SI: variants seen among roughly 807,000 people sequenced by gnomAD.
SI encodes the protein sucrase-isomaltase, intestinal.
Under a neutral mutation model 253.3 loss-of-function variants are expected in SI, and 235 were observed. The ratio of observed to expected loss-of-function variants is 0.93; its 90% CI spans 0.83 to 1.03. The LOEUF is 1.03. Among genes scored for constraint, SI ranks in the 50% least tolerant of loss-of-function variants. The probability of loss-of-function intolerance (pLI) is 0.00; values close to 1 mark genes in which losing one functional copy is unlikely to be tolerated. For missense variants in SI, 2,442 were observed against 2,211.1 expected, an observed-to-expected ratio of 1.10 and a Z score of -2.09; for synonymous variants, 819 against 712.0, an observed-to-expected ratio of 1.15 and a Z score of -2.39.
intron 1 of SI, among the ~76,000 whole-genome samples, chr3:165,076,318 G>A (rs1370037967): frequency 1.3e-5 from 2 of 151,778 alleles, no homozygotes; most frequent in East Asian, 3.9e-4. Flanking sequence ...TGGAAAAAAA[G>A]ATCTTCAAGT....
chr3:165,084,569 ATGTC>A, the SI span, among the ~76,000 whole-genome samples: 1 of 152,004 alleles, frequency 6.6e-6, no homozygotes, highest in African/African-American at 2.4e-5. Flanking sequence ...ATGAAAATGA[ATGTC>A]TGAGAATATT....
At chr3:165,059,381 G>T in intron 10 of SI, 82 bp from the exon 11 acceptor site, 1 of 1,322,932 alleles carries the variant, frequency 7.6e-7, no homozygotes, top group Non-Finnish European at 1.1e-6. Context: ...CATTGAACGT[G>T]TATTATAAAC....
At chr3:165,022,877 G>A (rs180998978) in intron 26 of SI, among the ~76,000 whole-genome samples, 38 of 151,390 alleles carry the variant, frequency 2.5e-4, no homozygotes, top group East Asian at 1.4e-3. Context: ...TTAAAATATC[G>A]TTTACTCTTA....
intron 2 of SI, among the ~76,000 whole-genome samples, chr3:165,075,161 G>A (rs145620969): frequency 1.3e-4 from 19 of 151,970 alleles, no homozygotes; most frequent in African/African-American, 3.9e-4. Context: ...AGATACCAAC[G>A]CCATATAAAT....
intron 40 of SI, among the ~76,000 whole-genome samples, chr3:164,996,130 C>T (rs1717997079): frequency 6.6e-6 from 1 of 151,654 alleles, no homozygotes; most frequent in Non-Finnish European, 1.5e-5. Context: ...CTATTTCTAC[C>T]CAAGTTTCCA....
At chr3:165,018,897 C>T (rs1035620428) in intron 28 of SI, among the ~76,000 whole-genome samples, 3 of 151,476 alleles carry the variant, frequency 2.0e-5, no homozygotes, top group African/African-American at 4.8e-5. Flanking sequence ...TGTTTGAGCA[C>T]CTAACAATAA....
intron 3 of SI, among the ~76,000 whole-genome samples, chr3:165,070,076 T>G (rs1297577329): frequency 6.8e-6 from 1 of 146,964 alleles, no homozygotes; most frequent in Non-Finnish European, 1.5e-5. Context: ...ATATAATATA[T>G]ATAGTATATG....
intron 45 of SI, among the ~76,000 whole-genome samples, chr3:164,984,389 A>G (rs1288557928): frequency 1.3e-5 from 2 of 152,154 alleles, no homozygotes; most frequent in Admixed American, 6.5e-5. Context: ...TGGCTAATTT[A>G]ATATGTATTA....
Position 165,070,849 on chromosome 3 carries a change from G to T in SI, c.256-1654C>A, listed in dbSNP as rs186988192. Among the ~76,000 whole-genome samples the T allele has an allele frequency of 2.4e-4, 37 of 152,244 alleles. No individual in the cohort carries two copies. In the East Asian group the frequency reaches 7.0e-3, roughly 29 times the overall value. On this transcript the variant is annotated intron_variant, in intron 3 of 47. Transcript: ENST00000264382. ...TTACTCTCTCACCGTACTGGAGGTT[G>T]TAAGTCCTAACTCAAGGTGTCAGCA...
upstream of SI, among the ~76,000 whole-genome samples, chr3:165,083,327 T>C (rs1365452073): frequency 6.6e-6 from 1 of 150,600 alleles, no homozygotes; most frequent in African/African-American, 2.4e-5. Context: ...CCATAGTACA[T>C]TTTTTTTTAA....
chr3:165,053,343 T>C (rs553818040), intron 13 of SI, among the ~76,000 whole-genome samples: 4 of 152,256 alleles, frequency 2.6e-5, no homozygotes, highest in African/African-American at 9.6e-5. Flanking sequence ...AAACTATTTT[T>C]ATACTTGACA....
At position 165,030,707 on chromosome 3, in the gene SI, A is replaced by G. The variant is rs751023322; in HGVS notation, c.2892+5T>C. 3 of 1,607,584 alleles carry G rather than the reference A, an allele frequency of 1.9e-6. No homozygotes were observed. In the South Asian group the frequency reaches 3.3e-5, roughly 18 times the overall value. ...ATCATGAGTAATAGTTAAAATTATT[A>G]TTACCGTTCTCCATACACAGCCACG... On this transcript the variant is annotated splice_donor_5th_base_variant and intron_variant, in intron 25 of 47. Coordinates refer to ENST00000264382, the MANE Select transcript of SI (RefSeq NM_001041.4).
rs564359223 is a variant in SI, at chr3:165,014,732, T to G, written c.3999+391A>C. On this transcript the variant is annotated intron_variant, in intron 33 of 47. Coordinates refer to ENST00000264382, the MANE Select transcript of SI (RefSeq NM_001041.4). ...TGAATTATACTTCATGATCTAAGTT[T>G]TAAATATAAGTATAGCTGTCAAAAC... Among the ~76,000 whole-genome samples the G allele has an allele frequency of 3.9e-5, 6 of 152,264 alleles. No individual in the cohort carries two copies. The South Asian group carries it at 1.2e-3, about 32-fold the overall frequency.
intron 34 of SI, among the ~76,000 whole-genome samples, chr3:165,009,678 A>G (rs762203577): frequency 1.3e-5 from 2 of 152,150 alleles, no homozygotes; most frequent in African/African-American, 4.8e-5. Context: ...TTCCTAGAGT[A>G]ATGGGGAAGC....
chr3:165,004,930 T>C (rs1718430948), intron 37 of SI, among the ~76,000 whole-genome samples: 1 of 152,050 alleles, frequency 6.6e-6, no homozygotes, highest in African/African-American at 2.4e-5. Context: ...GATTCCATCA[T>C]GGGGGCGGTT....
chr3:165,060,185 T>C (rs987025495), intron 9 of SI, among the ~76,000 whole-genome samples, 158 bp from the exon 10 acceptor site: 1 of 152,056 alleles, frequency 6.6e-6, no homozygotes, highest in Non-Finnish European at 1.5e-5. Context: ...TTCTAAACAA[T>C]TTCCTATTCT....
chr3:165,053,713 C>CT (rs1410413748), intron 13 of SI, among the ~76,000 whole-genome samples: 1 of 152,154 alleles, frequency 6.6e-6, no homozygotes, highest in Non-Finnish European at 1.5e-5. Flanking sequence ...ATGCAACACT[C>CT]TCTCTTTCTA....
intron 31 of SI, 84 bp from the exon 32 acceptor site, chr3:165,016,164 C>T: frequency 1.6e-6 from 2 of 1,250,766 alleles, no homozygotes; most frequent in Non-Finnish European, 2.3e-6. Context: ...ATAAAAGTAA[C>T]AGCAATATGA....
At chr3:165,080,794 C>G (rs1346619954), upstream of SI, among the ~76,000 whole-genome samples, 1 of 151,890 alleles carries the variant, frequency 6.6e-6, no homozygotes. Flanking sequence ...GGAGATATAC[C>G]TAATGTAAAT....
Sources: gnomAD v4.1 joint callset for allele counts (sites outside exome capture counted in the v4.1 genomes callset) on GRCh38, gnomAD v4.1.1 for gene constraint, MANE v1.5 for transcripts, NCBI Gene and HGNC (gene_info 2026-07-23, HGNC 2026-07-21) for gene names.